PSD3: variants seen among roughly 807,000 people sequenced by gnomAD.
PSD3 encodes PH and SEC7 domain-containing protein 3.
PSD3 carries 49 observed loss-of-function variants against 105.5 expected under a neutral mutation model. That is an observed-to-expected ratio of 0.46 (90% confidence interval 0.37 to 0.59). PSD3 has a LOEUF of 0.59. PSD3 is among the 20% of genes least tolerant of loss of function. The pLI is 0.00. For synonymous variants in PSD3, 557 were observed against 457.8 expected (o/e 1.22, Z -2.77); for missense variants, 1,561 against 1,263.8 (o/e 1.24, Z -3.57).
intron 8 of PSD3, among the ~76,000 whole-genome samples, chr8:18,787,246 C>T (rs561637035): frequency 2.0e-5 from 3 of 152,280 alleles, no homozygotes; most frequent in East Asian, 3.9e-4. Context: ...TGACCAGTTG[C>T]ATGCCAATAA....
At chr8:18,560,493 C>T (rs556775406) in intron 14 of PSD3, among the ~76,000 whole-genome samples, 1 of 151,822 alleles carries the variant, frequency 6.6e-6, no homozygotes, top group African/African-American at 2.4e-5. Context: ...AAAGAAAAGG[C>T]ATGGAGATAG....
At chr8:18,604,804 G>C (rs1323492939) in intron 11 of PSD3, among the ~76,000 whole-genome samples, 1 of 152,206 alleles carries the variant, frequency 6.6e-6, no homozygotes, top group Non-Finnish European at 1.5e-5. Context: ...ATGGCTCAAA[G>C]GGGCCTGGGT....
At position 18,633,751 on chromosome 8, in the gene PSD3, A is replaced by G. The variant is rs763806349; in HGVS notation, c.2217-945T>C. Reference sequence around the variant, plus strand: ...GTGCATGTGTCTTTTTGGTGGAATGATTTGTTTTCCTTTAGGTATATAACC... The same window carrying G: ...GTGCATGTGTCTTTTTGGTGGAATGGTTTGTTTTCCTTTAGGTATATAACC... On this transcript the variant is annotated intron_variant, in intron 10 of 15. Coordinates refer to ENST00000327040, the MANE Select transcript of PSD3 (RefSeq NM_015310.4). Among the ~76,000 whole-genome samples the G allele has an allele frequency of 4.6e-5, 7 of 151,998 alleles. No individual in the cohort carries two copies. In the South Asian group the frequency reaches 6.2e-4, roughly 13 times the overall value.
intron 1 of PSD3, among the ~76,000 whole-genome samples, chr8:18,936,757 C>CAA (rs200767893): frequency 4.6e-4 from 58 of 125,702 alleles, no homozygotes; most frequent in Admixed American, 2.1e-3. Flanking sequence ...GACTCCATCT[C>CAA]AAAAAAAAAA....
At chr8:18,654,585 A>G (rs1329601592) in intron 10 of PSD3, among the ~76,000 whole-genome samples, 1 of 152,200 alleles carries the variant, frequency 6.6e-6, no homozygotes, top group Admixed American at 6.5e-5. Flanking sequence ...CAACAGTGGT[A>G]TTGTTCTACG....
intron 12 of PSD3, among the ~76,000 whole-genome samples, chr8:18,596,433 A>T (rs557484387): frequency 6.6e-6 from 1 of 152,174 alleles, no homozygotes; most frequent in East Asian, 1.9e-4. Context: ...CAGCACAGGA[A>T]AGACACAGTA....
intron 1 of PSD3, among the ~76,000 whole-genome samples, chr8:18,997,183 C>G (rs1826128077): frequency 6.6e-6 from 1 of 151,838 alleles, no homozygotes; most frequent in Non-Finnish European, 1.5e-5. Context: ...CTAACCCAGC[C>G]CCTTCCTCTG....
intron 11 of PSD3, among the ~76,000 whole-genome samples, chr8:18,615,676 C>T (rs910096368): frequency 6.6e-6 from 1 of 152,078 alleles, no homozygotes; most frequent in African/African-American, 2.4e-5. Flanking sequence ...TTTTTACATA[C>T]CTTTTAAGAG....
intron 9 of PSD3, among the ~76,000 whole-genome samples, chr8:18,759,162 C>G (rs953704491): frequency 2.0e-5 from 3 of 151,580 alleles, no homozygotes; most frequent in Admixed American, 6.6e-5. Context: ...GGAAGACGTG[C>G]TAATTTCAAA....
At chr8:18,652,203 G>T (rs1481408308) in intron 10 of PSD3, among the ~76,000 whole-genome samples, 2 of 152,098 alleles carry the variant, frequency 1.3e-5, no homozygotes, top group Non-Finnish European at 2.9e-5. Flanking sequence ...ACATCCTGCA[G>T]GAAAATGCAA....
intron 15 of PSD3, among the ~76,000 whole-genome samples, chr8:18,545,049 G>A (rs1302341300): frequency 6.6e-6 from 1 of 152,176 alleles, no homozygotes; most frequent in Non-Finnish European, 1.5e-5. Context: ...GGAGATATGA[G>A]TTGTTAAGAA....
intron 14 of PSD3, among the ~76,000 whole-genome samples, chr8:18,565,639 A>G (rs1048215722): frequency 7.2e-5 from 11 of 152,238 alleles, no homozygotes; most frequent in African/African-American, 2.2e-4. Context: ...CAATGTTTCC[A>G]GCAAGGCACT....
At chr8:18,644,823 G>A (rs1012854079) in intron 10 of PSD3, among the ~76,000 whole-genome samples, 4 of 152,168 alleles carry the variant, frequency 2.6e-5, no homozygotes, top group African/African-American at 9.7e-5. Context: ...TTGGGTTGCT[G>A]TGAAAGAATT....
intron 9 of PSD3, 25 bp from the exon 10 acceptor site, chr8:18,655,710 C>T (rs10087662): frequency 5.7e-5 from 92 of 1,604,542 alleles, no homozygotes; most frequent in Admixed American, 5.7e-4. Flanking sequence ...AATGAGATCA[C>T]ATTATTCTTT....
At chr8:18,578,835 T>C (rs1223703054) in intron 12 of PSD3, among the ~76,000 whole-genome samples, 1 of 152,008 alleles carries the variant, frequency 6.6e-6, no homozygotes, top group African/African-American at 2.4e-5. Context: ...AAAAGAGGAC[T>C]CTATTCCAAG....
intron 2 of PSD3, among the ~76,000 whole-genome samples, chr8:18,874,709 A>G: frequency 6.6e-6 from 1 of 151,210 alleles, no homozygotes; most frequent in Non-Finnish European, 1.5e-5. Context: ...TCTCAAAAAA[A>G]AAAAAAAAAA....
chr8:18,843,085 G>C (rs1352041791), intron 4 of PSD3, among the ~76,000 whole-genome samples: 1 of 152,140 alleles, frequency 6.6e-6, no homozygotes, highest in African/African-American at 2.4e-5. Context: ...AGTAGTATTA[G>C]AGGAACCCAG....
At chr8:18,604,683 C>G (rs1804681594) in intron 11 of PSD3, among the ~76,000 whole-genome samples, 1 of 152,206 alleles carries the variant, frequency 6.6e-6, no homozygotes, top group South Asian at 2.1e-4. Context: ...ACAGCAGCCC[C>G]TCTCGAGGCC....
rs537597926 is a variant in PSD3 at position 19,069,109 on chromosome 8, T to C, written c.324+15097A>G. ...AAACTGTCTAAATTCAGCAGAAAAA[T>C]AGCCACCCAGTGCGGTAATTATTTA... is the stretch of plus-strand genomic sequence containing the variant. On this transcript the variant is annotated intron_variant, in intron 1 of 1. Coordinates refer to the PSD3 transcript ENST00000521475. Among the ~76,000 whole-genome samples the C allele has an allele frequency of 5.9e-5, 9 of 152,216 alleles. No homozygotes were observed. The South Asian group carries it at 1.2e-3, about 21-fold the overall frequency.
Sources: allele counts gnomAD v4.1 joint callset (sites outside exome capture counted in the v4.1 genomes callset), GRCh38; gene constraint gnomAD v4.1.1; transcripts MANE v1.5; gene names NCBI Gene and HGNC (gene_info 2026-07-23, HGNC 2026-07-21).